The following TENM1 variants were observed in gnomAD, a reference collection of about 807,000 sequenced individuals.
TENM1 encodes teneurin transmembrane protein 1.
In TENM1, 35 loss-of-function variants were observed where a neutral mutation model predicts 174.8. The ratio of observed to expected loss-of-function variants is 0.20; its 90% CI spans 0.15 to 0.27. The LOEUF (loss-of-function observed/expected upper bound fraction) is 0.27. Ranked by LOEUF, TENM1 falls within the 10% of genes least tolerant of loss-of-function variation. TENM1 has a pLI of 1.00. For missense variants in TENM1, 1,633 were observed against 2,130.1 expected, an observed-to-expected ratio of 0.77 and a Z score of 4.59; for synonymous variants, 781 against 798.7, an observed-to-expected ratio of 0.98 and a Z score of 0.37.
the TENM1 span, among the ~76,000 whole-genome samples, chrX:125,078,284 C>A: frequency 9.0e-6 from 1 of 111,182 alleles, no homozygotes. Context: ...TTATGTGAAC[C>A]CAATTCAGTT....
chrX:124,821,502 G>A (rs1325196783), intron 3 of TENM1, among the ~76,000 whole-genome samples: 3 of 112,223 alleles, frequency 2.7e-5, no homozygotes, highest in Non-Finnish European at 5.6e-5. Context: ...CATGAAAAGA[G>A]AACTATTATT....
chrX:125,191,483 A>C, the TENM1 span, among the ~76,000 whole-genome samples: 4 of 112,213 alleles, frequency 3.6e-5, no homozygotes, highest in African/African-American at 1.3e-4. Flanking sequence ...GGCATAGAAA[A>C]TGAAAGACAA....
At chrX:125,042,119 A>C in the TENM1 span, among the ~76,000 whole-genome samples, 1 of 111,664 alleles carries the variant, frequency 9.0e-6, no homozygotes, top group African/African-American at 3.2e-5. Flanking sequence ...AACAGCTTTA[A>C]GTATGACTTC....
chrX:125,104,693 C>T, the TENM1 span, among the ~76,000 whole-genome samples: 2 of 110,324 alleles, frequency 1.8e-5, no homozygotes, highest in Admixed American at 1.9e-4. Context: ...ACAGAATATT[C>T]ACAATTTGAT....
chrX:124,957,478 G>A (rs995597128), intron 1 of TENM1, among the ~76,000 whole-genome samples: 2 of 108,542 alleles, frequency 1.8e-5, no homozygotes, highest in Non-Finnish European at 3.8e-5. Context: ...CAGCTACTCA[G>A]GAGACTGAAG....
chrX:124,899,074 C>T (rs1396541878), intron 1 of TENM1, among the ~76,000 whole-genome samples: 1 of 111,215 alleles, frequency 9.0e-6, no homozygotes, highest in Non-Finnish European at 1.9e-5. Context: ...AAATCAATGT[C>T]ACCATTGTAA....
At chrX:124,645,908 C>G (rs1040315753) in intron 9 of TENM1, among the ~76,000 whole-genome samples, 6 of 110,541 alleles carry the variant, frequency 5.4e-5, no homozygotes, top group Non-Finnish European at 7.6e-5. Flanking sequence ...TTTTTAATAC[C>G]AACCATCACC....
chrX:124,956,542 G>C (rs2058576997), intron 1 of TENM1, among the ~76,000 whole-genome samples: 1 of 112,083 alleles, frequency 8.9e-6, no homozygotes, highest in Non-Finnish European at 1.9e-5. Flanking sequence ...TTCCATTCCA[G>C]TTTTAGATGC....
the TENM1 span, among the ~76,000 whole-genome samples, chrX:125,007,926 C>A: frequency 8.9e-6 from 1 of 111,869 alleles, no homozygotes; most frequent in Non-Finnish European, 1.9e-5. Context: ...ACTGCAAAAA[C>A]ACACCAAAAT....
At chrX:124,444,534 C>A (rs1384723833) in intron 23 of TENM1, among the ~76,000 whole-genome samples, 1 of 111,895 alleles carries the variant, frequency 8.9e-6, no homozygotes, top group African/African-American at 3.2e-5. Flanking sequence ...CGGAAGTAAG[C>A]TTGAATAAAG....
At position 124,523,713 on chromosome X, in the gene TENM1, C is replaced by T. The variant is rs187994162; in HGVS notation, c.2772-88G>A. On this transcript the variant is annotated intron_variant, in intron 16 of 31. Transcript: ENST00000422452. ...AATAGGTTAATTTCAGTGCCCTTTC[C>T]TTTTTGGGGGGACTCAACTATATCC... 2.7e-3 allele frequency: 2,571 copies of T among 943,024 alleles called. 44 individuals are homozygous for T. The African/African-American group carries it at 0.046, about 17-fold the overall frequency. 77.7% of individuals were successfully genotyped at this position (943,024 alleles called of 1,213,427 possible).
At chrX:124,488,506 C>T (rs2046997901) in intron 20 of TENM1, among the ~76,000 whole-genome samples, 1 of 112,254 alleles carries the variant, frequency 8.9e-6, no homozygotes, top group South Asian at 3.7e-4. Flanking sequence ...CTTTGCTCAT[C>T]TCAAAAGGGT....
the TENM1 span, among the ~76,000 whole-genome samples, chrX:125,086,896 T>C: frequency 6.3e-5 from 7 of 111,285 alleles, no homozygotes; most frequent in African/African-American, 1.3e-4. Flanking sequence ...AGAAAGAAAG[T>C]CGCTATCACA....
intron 3 of TENM1, among the ~76,000 whole-genome samples, chrX:124,829,145 C>T (rs1409429798): frequency 8.9e-6 from 1 of 111,781 alleles, no homozygotes; most frequent in Non-Finnish European, 1.9e-5. Flanking sequence ...GGCTAACAGC[C>T]AGAAGAAGAT....
At chrX:125,181,315 G>A in the TENM1 span, among the ~76,000 whole-genome samples, 156 of 111,326 alleles carry the variant, frequency 1.4e-3, 1 homozygote, top group African/African-American at 4.5e-3. Context: ...AAACCCCAAA[G>A]CATATGCACT....
the TENM1 span, among the ~76,000 whole-genome samples, chrX:125,012,640 A>G: frequency 1.8e-5 from 2 of 111,884 alleles, no homozygotes; most frequent in African/African-American, 6.5e-5. Flanking sequence ...GAAATGACTT[A>G]GATATTCATA....
At position 124,468,528 on chromosome X, in the gene TENM1, A is replaced by G. The variant is rs138354935; in HGVS notation, c.3949+13204T>C. Among the ~76,000 whole-genome samples the G allele has an allele frequency of 6.2e-4, 70 of 112,431 alleles. 2 individuals carry two copies. The East Asian group carries it at 0.018, about 29-fold the overall frequency. On this transcript the variant is annotated intron_variant, in intron 22 of 31. Coordinates refer to ENST00000422452, the Ensembl canonical transcript of TENM1. ...AAATGATATGGATATAGCCAATCCC[A>G]TCTCCTTATCCCTATCCTCTTTTTC...
intron 1 of TENM1, among the ~76,000 whole-genome samples, chrX:124,947,606 G>C (rs1347541646): frequency 8.9e-6 from 1 of 111,993 alleles, no homozygotes; most frequent in East Asian, 2.8e-4. Flanking sequence ...CTTTAAAATG[G>C]GTAAGCACGA....
intron 18 of TENM1, among the ~76,000 whole-genome samples, chrX:124,506,824 G>C (rs1398988679): frequency 3.6e-5 from 4 of 111,806 alleles, no homozygotes; most frequent in Non-Finnish European, 5.6e-5. Context: ...ACTAATCCTA[G>C]ACTTTGTCAT....
Sources: allele counts gnomAD v4.1 joint callset (sites outside exome capture counted in the v4.1 genomes callset), GRCh38; gene constraint gnomAD v4.1.1; transcripts MANE v1.5; gene names NCBI Gene and HGNC (gene_info 2026-07-23, HGNC 2026-07-21).